NCKAP5: variants seen among roughly 807,000 people sequenced by gnomAD.
The protein encoded by NCKAP5 is nck-associated protein 5.
Under a neutral mutation model 167.0 loss-of-function variants are expected in NCKAP5, and 92 were observed. The observed-to-expected ratio is 0.55, with a 90% CI of 0.47 to 0.66. The LOEUF is 0.66. Ranked by LOEUF, NCKAP5 falls within the 30% of genes least tolerant of loss-of-function variation. The pLI is 0.00. For missense variants in NCKAP5, 2,378 were observed against 2,315.0 expected, an observed-to-expected ratio of 1.03 and a Z score of -0.56; for synonymous variants, 891 against 877.4, an observed-to-expected ratio of 1.02 and a Z score of -0.27.
intron 3 of NCKAP5, among the ~76,000 whole-genome samples, chr2:133,355,154 G>T (rs1684624089): frequency 1.3e-5 from 2 of 152,098 alleles, no homozygotes; most frequent in South Asian, 4.2e-4. Context: ...CTCTGGCTTG[G>T]TTTGGTAACA....
intron 11 of NCKAP5, among the ~76,000 whole-genome samples, chr2:132,836,704 TC>T (rs1256843575): frequency 9.9e-5 from 15 of 151,952 alleles, no homozygotes; most frequent in Admixed American, 9.8e-4. Flanking sequence ...CTACTACTCT[TC>T]CCCCCAAGTC....
chr2:132,697,606 CTTT>C lies in NCKAP5; in HGVS notation c.5714-24304_5714-24302del, dbSNP rs10594573. Among the ~76,000 whole-genome samples the C allele has an allele frequency of 7.4e-5, 11 of 148,066 alleles. 1 individual carries two copies. In the East Asian group the frequency reaches 1.4e-3, roughly 19 times the overall value. On this transcript the variant is annotated intron_variant, in intron 19 of 19. Transcript: ENST00000409261. ...ACTGTGGATGAACTTAAGGTCCCAT[CTTT>C]TTTTTTTTTTCCATGTCCTGAAGGA...
chr2:132,818,706 G>A (rs1040087742), intron 11 of NCKAP5, among the ~76,000 whole-genome samples: 10 of 151,896 alleles, frequency 6.6e-5, no homozygotes, highest in African/African-American at 2.4e-4. Context: ...TTATAAATTT[G>A]GATGGAAAAA....
chr2:133,442,666 G>T (rs917296736), intron 3 of NCKAP5, among the ~76,000 whole-genome samples: 4 of 152,196 alleles, frequency 2.6e-5, no homozygotes, highest in Admixed American at 6.5e-5. Context: ...TAGTTCCCCA[G>T]CACCTAGCAG....
At chr2:133,196,958 G>A (rs1574345767) in intron 5 of NCKAP5, among the ~76,000 whole-genome samples, 1 of 152,158 alleles carries the variant, frequency 6.6e-6, no homozygotes, top group Non-Finnish European at 1.5e-5. Flanking sequence ...CCTTCCCAGA[G>A]GAGCTTCAAT....
chr2:133,470,028 A>T (rs1239106498), intron 3 of NCKAP5, among the ~76,000 whole-genome samples: 2 of 152,136 alleles, frequency 1.3e-5, no homozygotes, highest in African/African-American at 4.8e-5. Flanking sequence ...GTCATTCTCC[A>T]TCCAGCTTTG....
intron 11 of NCKAP5, among the ~76,000 whole-genome samples, chr2:132,857,558 A>G (rs1379054804): frequency 1.3e-5 from 2 of 152,188 alleles, no homozygotes; most frequent in Non-Finnish European, 2.9e-5. Flanking sequence ...GAATCCAGAC[A>G]AGTAGGTTCA....
At chr2:133,483,295 A>G (rs1378748573) in intron 3 of NCKAP5, among the ~76,000 whole-genome samples, 1 of 152,154 alleles carries the variant, frequency 6.6e-6, no homozygotes, top group Non-Finnish European at 1.5e-5. Context: ...TTTTACTGTC[A>G]TGATTTCACC....
chr2:132,924,356 T>C (rs1695686198), intron 8 of NCKAP5, among the ~76,000 whole-genome samples: 4 of 152,188 alleles, frequency 2.6e-5, no homozygotes. Context: ...TTTGTTGCAA[T>C]GAGCCAGCCA....
At chr2:133,645,692 TA>T in the NCKAP5 span, among the ~76,000 whole-genome samples, 1 of 152,114 alleles carries the variant, frequency 6.6e-6, no homozygotes, top group African/African-American at 2.4e-5. Context: ...CAAAAATACC[TA>T]CATGAAGACC....
chr2:133,252,770 G>T (rs963983044), intron 4 of NCKAP5, among the ~76,000 whole-genome samples: 1 of 152,110 alleles, frequency 6.6e-6, no homozygotes, highest in Non-Finnish European at 1.5e-5. Flanking sequence ...CAAAAATAGG[G>T]TCTACAAGGG....
intron 2 of NCKAP5, among the ~76,000 whole-genome samples, chr2:133,545,052 C>T (rs1288973735): frequency 6.6e-6 from 1 of 152,112 alleles, no homozygotes; most frequent in Non-Finnish European, 1.5e-5. Flanking sequence ...GACAGAACTC[C>T]CCTGGGTCCC....
chr2:133,408,461 C>T (rs1688580347), intron 3 of NCKAP5, among the ~76,000 whole-genome samples: 2 of 151,810 alleles, frequency 1.3e-5, no homozygotes, highest in East Asian at 3.9e-4. Flanking sequence ...CAAGACCTAC[C>T]CCCTCTACAT....
At chr2:132,862,742 A>G (rs2148723990) in intron 10 of NCKAP5, among the ~76,000 whole-genome samples, 1 of 150,626 alleles carries the variant, frequency 6.6e-6, no homozygotes, top group African/African-American at 2.5e-5. Flanking sequence ...CCTGGGCAAC[A>G]AAGTCTCAAA....
the NCKAP5 span, among the ~76,000 whole-genome samples, chr2:133,608,993 C>T: frequency 5.3e-5 from 8 of 152,204 alleles, no homozygotes; most frequent in East Asian, 1.5e-3. Context: ...CACAAACTAT[C>T]TAATCAGTTA....
At chr2:133,523,105 CT>C (rs5834363) in intron 2 of NCKAP5, among the ~76,000 whole-genome samples, 15,675 of 147,324 alleles carry the variant, frequency 0.11, 1,374 homozygotes, top group African/African-American at 0.24. Flanking sequence ...CTTAATAACT[CT>C]TTTTTTTTTT....
Position 132,756,363 on chromosome 2 carries a change from T to C in NCKAP5, c.5128+17453A>G, listed in dbSNP as rs118099912. ...AGTACACCTACCTCCCTCAAAAAGT[T>C]GCAGAAACTTGGGCCAGGGAAAAGC... On this transcript the variant is annotated intron_variant, in intron 16 of 19. Coordinates refer to ENST00000409261, the MANE Select transcript of NCKAP5 (RefSeq NM_207363.3). Among the ~76,000 whole-genome samples the C allele has an allele frequency of 4.9e-4, 75 of 152,180 alleles. No homozygotes were observed. In the East Asian group the frequency reaches 0.013, roughly 25 times the overall value.
chr2:133,366,850 A>T (rs1331260722), intron 3 of NCKAP5, among the ~76,000 whole-genome samples: 2 of 152,174 alleles, frequency 1.3e-5, no homozygotes, highest in African/African-American at 4.8e-5. Context: ...ATTTTAAAGT[A>T]TATGTGTGAC....
At chr2:132,754,021 G>A (rs1329498020) in intron 16 of NCKAP5, among the ~76,000 whole-genome samples, 1 of 152,220 alleles carries the variant, frequency 6.6e-6, no homozygotes, top group East Asian at 1.9e-4. Flanking sequence ...ATTTCCCACA[G>A]GCTAAGCTAA....
Sources: gnomAD v4.1 joint callset for allele counts (sites outside exome capture counted in the v4.1 genomes callset) on GRCh38, gnomAD v4.1.1 for gene constraint, MANE v1.5 for transcripts, NCBI Gene and HGNC (gene_info 2026-07-23, HGNC 2026-07-21) for gene names.